EZH1: variants seen among roughly 807,000 people sequenced by gnomAD.
The protein encoded by EZH1 is histone-lysine N-methyltransferase EZH1.
EZH1 carries 33 observed loss-of-function variants against 100.5 expected under a neutral mutation model. The ratio of observed to expected loss-of-function variants is 0.33; its 90% CI spans 0.25 to 0.44. EZH1 has a LOEUF of 0.44. Among genes scored for constraint, EZH1 ranks in the 20% least tolerant of loss-of-function variants. The probability of loss-of-function intolerance (pLI) is 1.00; values close to 1 mark genes in which losing one functional copy is unlikely to be tolerated. For missense variants in EZH1, 475 were observed against 928.4 expected, an observed-to-expected ratio of 0.51 and a Z score of 6.35; for synonymous variants, 272 against 313.8, an observed-to-expected ratio of 0.87 and a Z score of 1.41.
chr17:42,700,888 T>A lies in EZH1; in HGVS notation c.*1644A>T, dbSNP rs1292168680. 6.6e-6 allele frequency: 1 copy of A among 152,338 alleles called. No homozygotes were observed. Among genetic ancestry groups the A allele is most frequent in the Admixed American group, 6.5e-5 (1 of 15,270 alleles). 9.4% of individuals were successfully genotyped at this position (152,338 alleles called of 1,614,324 possible). A position where few individuals can be genotyped will look rare whatever the true frequency, so the allele number is the denominator to read the frequency against. ...TGTGTGCATGTCCCATACCAAACCG[T>A]AAGAGGCAGCTGGGTCAGGAGGAAC... On this transcript the variant is annotated 3_prime_UTR_variant, in exon 21 of 21. Transcript: ENST00000428826.
At chr17:42,712,259 C>G in intron 12 of EZH1, 30 bp downstream of exon 12, 1 of 1,604,714 alleles carries the variant, frequency 6.2e-7, no homozygotes, top group Non-Finnish European at 8.5e-7. Context: ...AAAGGAGGGG[C>G]CCATTTGTTC....
chr17:42,703,673 A>T, intron 19 of EZH1, 67 bp downstream of exon 19: 2 of 1,149,998 alleles, frequency 1.7e-6, no homozygotes, highest in South Asian at 2.5e-5. Context: ...AATGTTCAAC[A>T]ACGAATGGAA....
chr17:42,727,876 G>A, intron 3 of EZH1, 113 bp from the exon 4 acceptor site: 1 of 775,224 alleles, frequency 1.3e-6, no homozygotes, highest in Non-Finnish European at 1.7e-6. Flanking sequence ...GAGTGTAGTA[G>A]CGCGATCTCA....
At chr17:42,734,329 C>T (rs918334477) in intron 1 of EZH1, among the ~76,000 whole-genome samples, 2 of 152,030 alleles carry the variant, frequency 1.3e-5, no homozygotes, top group Non-Finnish European at 2.9e-5. Flanking sequence ...CATGAGCCAC[C>T]GCGCCTGGCC....
At chr17:42,730,731 C>T (rs1295979556) in intron 2 of EZH1, 97 bp downstream of exon 2, 3 of 335,294 alleles carry the variant, frequency 8.9e-6, no homozygotes, top group Non-Finnish European at 1.3e-5. Context: ...CTCCTGACCT[C>T]GTGATCCGCC....
At position 42,707,828 on chromosome 17, in the gene EZH1, G is replaced by T. The variant is rs937558952; in HGVS notation, c.1660+130C>A. 1.2e-5 allele frequency: 13 copies of T among 1,121,144 alleles called. No homozygotes were observed. The Admixed American group carries it at 1.6e-4, about 14-fold the overall frequency. The allele number at this position is 1,121,144 out of a possible 1,614,324, so 69.4% of individuals were successfully genotyped here. ...ATCTCATGCACTTATTTCATTTGTA[G>T]AATCCCTAAAACACAGCAAAGGGGA... On this transcript the variant is annotated intron_variant, in intron 15 of 20. Transcript: ENST00000428826.
At chr17:42,729,790 A>G (rs2053903577) in intron 2 of EZH1, among the ~76,000 whole-genome samples, 1 of 150,156 alleles carries the variant, frequency 6.7e-6, no homozygotes, top group Admixed American at 6.7e-5. Context: ...CTGTAATCCC[A>G]GCACTTTGGG....
rs200504064 is a variant in EZH1 at position 42,727,656 on chromosome 17, A to G, written c.225T>C (p.Ser75=). ...GTACCTTTTTGAGAAAAGGGTGTCC[A>G]CTCACAGGCTTCATTGACTGAACAG... ...VQPVQSMKPV[S]GHPFLKKCTI... is the part of the protein sequence containing the mutation. The change falls in exon 4 of 21, where the codon AGT becomes AGC. Residue 75 remains serine, a synonymous_variant. Coordinates refer to ENST00000428826, the MANE Select transcript of EZH1 (RefSeq NM_001991.5). The G allele has an allele frequency of 1.2e-6, 2 of 1,612,800 alleles. No homozygotes were observed. Among genetic ancestry groups the G allele is most frequent in the African/African-American group, 1.3e-5 (1 of 74,792 alleles).
At chr17:42,726,236 C>G (rs1428674368) in intron 4 of EZH1, among the ~76,000 whole-genome samples, 1 of 100,396 alleles carries the variant, frequency 1.0e-5, no homozygotes, top group East Asian at 3.0e-4. Context: ...TTTTTTGAGA[C>G]GGAGTCTCGC....
In EZH1 at chr17:42,718,078, A is replaced by G. The variant is rs371094242; in HGVS notation, c.932-11T>C. The G allele has an allele frequency of 2.0e-5, 33 of 1,612,392 alleles. No individual in the cohort carries two copies. The African/African-American group carries it at 4.1e-4, about 20-fold the overall frequency. On this transcript the variant is annotated splice_polypyrimidine_tract_variant and intron_variant, in intron 9 of 20. Coordinates refer to ENST00000428826, the MANE Select transcript of EZH1 (RefSeq NM_001991.5). The surrounding 1 kb of genome is among the most constrained non-coding windows in gnomAD (Gnocchi z 4.2). ...GGGTGGCATGAAAAGCTGGAAAACA[A>G]AAACTGTCTTGTTGCCAGTGGTCTA...
Position 42,723,491 on chromosome 17 carries a change from A to G in EZH1, c.367-576T>C, listed in dbSNP as rs190621118. ...AACTGGGCAATCATAAGACATGGGT[A>G]TTCTATAAGATGGACTAAGATTCTC... On this transcript the variant is annotated intron_variant, in intron 5 of 20. Coordinates refer to ENST00000428826, the MANE Select transcript of EZH1 (RefSeq NM_001991.5). Among the ~76,000 whole-genome samples, 17 of 152,296 alleles carry G rather than the reference A, an allele frequency of 1.1e-4. No individual in the cohort carries two copies. The East Asian group carries it at 3.3e-3, about 29-fold the overall frequency.
At chr17:42,737,266 G>A (rs561793877) in intron 1 of EZH1, among the ~76,000 whole-genome samples, 10 of 152,074 alleles carry the variant, frequency 6.6e-5, no homozygotes, top group Non-Finnish European at 1.0e-4. Context: ...GATTACAGGC[G>A]TGAGCCACCG....
chr17:42,719,386 C>T (rs2053663896), intron 7 of EZH1, among the ~76,000 whole-genome samples, 179 bp from the exon 8 acceptor site: 1 of 152,130 alleles, frequency 6.6e-6, no homozygotes, highest in Admixed American at 6.6e-5. Flanking sequence ...ATATATGCTA[C>T]CAGTAAATAA....
chr17:42,744,932 T>C (rs1328012849), intron 1 of EZH1, 79 bp downstream of exon 1: 3 of 1,234,276 alleles, frequency 2.4e-6, no homozygotes, highest in Non-Finnish European at 1.0e-6. Flanking sequence ...TCCCTCCGCC[T>C]CTCCCTCCCT....
Position 42,728,882 on chromosome 17 carries a change from T to C in EZH1, c.60A>G (p.Lys20=). The change falls in exon 3 of 21, where the codon AAA becomes AAG. Residue 20 remains lysine (K), a synonymous_variant. Transcript: ENST00000428826. ...KCITYWKRKV[K]SEYMRLRQLK... is the part of the protein sequence containing the mutation. ...GTTGTCGAAGTCGCATGTATTCAGA[T>C]TTCACTTTTCTTTTCCAGTAAGTGA... The C allele has an allele frequency of 6.2e-7, 1 of 1,613,968 alleles. No homozygotes were observed. The highest frequency in any genetic ancestry group is 8.5e-7 in the Non-Finnish European group (1 of 1,179,942).
chr17:42,717,553 A>C (rs920916765), intron 10 of EZH1, among the ~76,000 whole-genome samples: 2 of 152,178 alleles, frequency 1.3e-5, no homozygotes, highest in Non-Finnish European at 2.9e-5. Flanking sequence ...AGGTCTGTCC[A>C]TCAGGGAACG....
intron 10 of EZH1, among the ~76,000 whole-genome samples, chr17:42,714,879 T>TA (rs2053561721): frequency 1.4e-5 from 2 of 138,270 alleles, no homozygotes; most frequent in African/African-American, 2.8e-5. Flanking sequence ...TTATATATTA[T>TA]ATATATAATA....
chr17:42,738,124 C>T (rs1409095574), intron 1 of EZH1, among the ~76,000 whole-genome samples: 4 of 146,388 alleles, frequency 2.7e-5, no homozygotes, highest in South Asian at 2.2e-4. Flanking sequence ...TGCAGTGAGC[C>T]GAGACGGTGC....
At chr17:42,711,031 G>A (rs2053471715) in intron 12 of EZH1, among the ~76,000 whole-genome samples, 1 of 152,128 alleles carries the variant, frequency 6.6e-6, no homozygotes, top group South Asian at 2.1e-4. Flanking sequence ...TGTTGGACAT[G>A]CTGGCCCTGA....
Sources: gnomAD v4.1 joint callset for allele counts (sites outside exome capture counted in the v4.1 genomes callset) on GRCh38, gnomAD v4.1.1 for gene constraint, Gnocchi (gnomAD v3.1) non-coding constraint, MANE v1.5 for transcripts, NCBI Gene and HGNC (gene_info 2026-07-23, HGNC 2026-07-21) for gene names.